Variants in PTPN6 observed in about 807,000 individuals in gnomAD.
The protein encoded by PTPN6 is tyrosine-protein phosphatase non-receptor type 6.
PTPN6 carries 18 observed loss-of-function variants against 81.5 expected under a neutral mutation model. That is an observed-to-expected ratio of 0.22 (90% CI 0.15 to 0.33). The LOEUF is 0.33. Ranked by LOEUF, PTPN6 falls within the 10% of genes least tolerant of loss-of-function variation. The pLI, the probability that PTPN6 is intolerant of heterozygous loss-of-function variation, is 1.00. For synonymous variants in PTPN6, 301 were observed against 310.9 expected (o/e 0.97, Z 0.33); for missense variants, 500 against 794.2 (o/e 0.63, Z 4.45).
intron 3 of PTPN6, among the ~76,000 whole-genome samples, chr12:6,953,916 G>T: frequency 6.6e-6 from 1 of 152,084 alleles, no homozygotes; most frequent in South Asian, 2.1e-4. Flanking sequence ...AAATTTGCCC[G>T]CCCTCCCCTC....
In PTPN6 at chr12:6,955,148, C is replaced by A. The variant is rs1232607181; in HGVS notation, c.517-3C>A. The A allele has an allele frequency of 2.5e-6, 4 of 1,614,152 alleles. No individual in the cohort carries two copies. The highest frequency in any genetic ancestry group is 2.2e-5 in the East Asian group (1 of 44,884). On this transcript the variant is annotated splice_polypyrimidine_tract_variant and splice_region_variant and intron_variant, in intron 4 of 15. Transcript: ENST00000318974. The surrounding 1 kb of genome is among the most constrained non-coding windows in gnomAD (Gnocchi z 7.2). ...GTGAATGGCCTAATTTGGCTCCCCC[C>A]AGGGTGGACGCTACACAGTGGGTGG...
chr12:6,958,244 C>T (rs1016798760), intron 11 of PTPN6, among the ~76,000 whole-genome samples, 171 bp downstream of exon 11: 3 of 152,204 alleles, frequency 2.0e-5, no homozygotes, highest in African/African-American at 7.2e-5. Flanking sequence ...TGGATCGTGG[C>T]TGGAACCAGC....
At position 6,954,700 on chromosome 12, in the gene PTPN6, G is replaced by A; in HGVS notation, c.327-105G>A. On this transcript the variant is annotated intron_variant, in intron 3 of 15. Transcript: ENST00000318974. The surrounding 1 kb of genome is among the most constrained non-coding windows in gnomAD (Gnocchi z 5.4). Reference sequence around the variant, plus strand: ...TTTGGAAGCATGTAGCGCAGTGCCTGGCACACAGTAGGTGCTTGATTTCCG... The same window carrying A: ...TTTGGAAGCATGTAGCGCAGTGCCTAGCACACAGTAGGTGCTTGATTTCCG... 8.5e-7 allele frequency: 1 copy of A among 1,171,342 alleles called. No homozygotes were observed. Among genetic ancestry groups the A allele is most frequent in the South Asian group, 1.3e-5 (1 of 76,522 alleles). 72.6% of individuals were successfully genotyped at this position (1,171,342 alleles called of 1,614,324 possible).
Position 6,960,703 on chromosome 12 carries a change from G to T in PTPN6, c.1674-103G>T. 6.4e-7 allele frequency: 1 copy of T among 1,551,564 alleles called. No homozygotes were observed. Among genetic ancestry groups the T allele is most frequent in the Non-Finnish European group, 8.7e-7 (1 of 1,146,972 alleles). On this transcript the variant is annotated intron_variant, in intron 14 of 15. Coordinates refer to ENST00000318974, the MANE Select transcript of PTPN6 (RefSeq NM_002831.6). The surrounding 1 kb of genome is among the most constrained non-coding windows in gnomAD (Gnocchi z 6.1). Reference sequence around the variant, plus strand: ...TGCAGGGACCGTGGCTGCGTCACCTGTGAGACGGGGTGGCCAGAGGGGACT... The same window carrying T: ...TGCAGGGACCGTGGCTGCGTCACCTTTGAGACGGGGTGGCCAGAGGGGACT...
At chr12:6,958,131 G>A (rs955352183) in intron 11 of PTPN6, 58 bp downstream of exon 11, 7 of 1,593,296 alleles carry the variant, frequency 4.4e-6, no homozygotes, top group Non-Finnish European at 6.0e-6. Flanking sequence ...ACTGCTAAGT[G>A]CCATGAGCTG....
In PTPN6 at chr12:6,951,546, C is replaced by T. The variant is rs1945924944; in HGVS notation, c.8+26C>T. The T allele has an allele frequency of 6.2e-7, 1 of 1,613,920 alleles. No individual in the cohort carries two copies. The highest frequency in any genetic ancestry group is 1.7e-5 in the Admixed American group (1 of 60,004). On this transcript the variant is annotated intron_variant, in intron 1 of 15. Coordinates refer to ENST00000318974, the MANE Select transcript of PTPN6 (RefSeq NM_002831.6). This position sits in a 1 kb window ranked among gnomAD's most constrained non-coding sequence, Gnocchi z 7.2. ...GTAAGGGCCTGCCACCCACGGTAGA[C>T]AGGAGGCAAGGGTGCCTGGTGCCCA...
At chr12:6,950,497 C>G (rs1055985513), upstream of PTPN6, among the ~76,000 whole-genome samples, 6 of 152,188 alleles carry the variant, frequency 3.9e-5, no homozygotes, top group African/African-American at 7.2e-5. Flanking sequence ...AGATAGGCCC[C>G]CTGGTGGGAG....
In PTPN6 at chr12:6,951,539, C is replaced by T. The variant is rs782087979; in HGVS notation, c.8+19C>T. The T allele has an allele frequency of 2.5e-5, 41 of 1,613,886 alleles. No homozygotes were observed. The highest frequency in any genetic ancestry group is 3.3e-4 in the Middle Eastern group (2 of 6,080). ...TGGTGAGGTAAGGGCCTGCCACCCA[C>T]GGTAGACAGGAGGCAAGGGTGCCTG... On this transcript the variant is annotated intron_variant, in intron 1 of 15. Coordinates refer to ENST00000318974, the MANE Select transcript of PTPN6 (RefSeq NM_002831.6). This position sits in a 1 kb window ranked among gnomAD's most constrained non-coding sequence, Gnocchi z 7.2.
upstream of PTPN6, among the ~76,000 whole-genome samples, chr12:6,950,490 T>C (rs1341159622): frequency 6.6e-6 from 1 of 152,008 alleles, no homozygotes; most frequent in Non-Finnish European, 1.5e-5. Flanking sequence ...CCCCAGGAGA[T>C]AGGCCCCCTG....
At position 6,957,387 on chromosome 12, in the gene PTPN6, G is replaced by A. The variant is rs1007247866; in HGVS notation, c.1075-267G>A. The stretch of plus-strand genomic sequence containing the variant: ...TTATTTGTGTCTGTGAAGCTGTGTG[G>A]TTTGCACAGCTTCGGGGACAATGCC... On this transcript the variant is annotated intron_variant, in intron 9 of 15. Coordinates refer to ENST00000318974, the MANE Select transcript of PTPN6 (RefSeq NM_002831.6). This position sits in a 1 kb window ranked among gnomAD's most constrained non-coding sequence, Gnocchi z 6.5. 2.0e-5 allele frequency among the ~76,000 whole-genome samples: 3 copies of A among 152,212 alleles called. No homozygotes were observed. Among genetic ancestry groups the A allele is most frequent in the African/African-American group, 7.2e-5 (3 of 41,450 alleles).
chr12:6,952,695 T>C lies in PTPN6; in HGVS notation c.326+518T>C. 1.0e-5 allele frequency: 2 copies of C among 198,054 alleles called. No individual in the cohort carries two copies. The highest frequency in any genetic ancestry group is 1.6e-4 in the South Asian group (2 of 12,446). The allele number at this position is 198,054 out of a possible 1,614,324, so 12.3% of individuals were successfully genotyped here. On this transcript the variant is annotated intron_variant, in intron 3 of 15. Transcript: ENST00000318974. The surrounding 1 kb of genome is among the most constrained non-coding windows in gnomAD (Gnocchi z 8.1). Reference sequence around the variant, plus strand: ...GGTCTGTCCTGTGGGGTCAAATAGGTCTCCGGCCCAAACAGAGATCATTGA... The same window carrying C: ...GGTCTGTCCTGTGGGGTCAAATAGGCCTCCGGCCCAAACAGAGATCATTGA...
In PTPN6 at chr12:6,960,458, G is replaced by A. The variant is rs781859729; in HGVS notation, c.1673+23G>A. ...CAAGTGAGTGGCCCTGACTGCCACT[G>A]CCCGGCATCCACCCCTTTGTCCTGC... is the stretch of plus-strand genomic sequence containing the variant. On this transcript the variant is annotated intron_variant, in intron 14 of 15. Coordinates refer to ENST00000318974, the MANE Select transcript of PTPN6 (RefSeq NM_002831.6). The surrounding 1 kb of genome is among the most constrained non-coding windows in gnomAD (Gnocchi z 6.1). The A allele has an allele frequency of 3.1e-6, 5 of 1,602,108 alleles. No homozygotes were observed. Among genetic ancestry groups the A allele is most frequent in the South Asian group, 2.2e-5 (2 of 90,678 alleles).
In PTPN6 at chr12:6,955,010, G is replaced by T. The variant is rs781901138; in HGVS notation, c.516+16G>T. ...CATGTGCGAGGTAAGGCAGCCAGGC[G>T]GCGGGGGAGCCTCTGCTGAGGCTCC... On this transcript the variant is annotated intron_variant, in intron 4 of 15. Coordinates refer to ENST00000318974, the MANE Select transcript of PTPN6 (RefSeq NM_002831.6). The surrounding 1 kb of genome is among the most constrained non-coding windows in gnomAD (Gnocchi z 7.2). 1 of 1,613,906 alleles carries T rather than the reference G, an allele frequency of 6.2e-7. No homozygotes were observed. Among genetic ancestry groups the T allele is most frequent in the Admixed American group, 1.7e-5 (1 of 60,026 alleles).
Position 6,959,584 on chromosome 12 carries a change from C to A in PTPN6, c.1362-343C>A. The A allele has an allele frequency of 2.0e-6, 1 of 496,748 alleles. No homozygotes were observed. Among genetic ancestry groups the A allele is most frequent in the South Asian group, 2.2e-5 (1 of 45,446 alleles). The allele number at this position is 496,748 out of a possible 1,614,324, so 30.8% of individuals were successfully genotyped here. A position where few individuals can be genotyped will look rare whatever the true frequency, so the allele number is the denominator to read the frequency against. ...GGAGAGGCGGGGAGGGCTCAGGGTA[C>A]CTGGGAGCCGGCAGGACAGTGGTGG... On this transcript the variant is annotated intron_variant, in intron 11 of 15. Coordinates refer to ENST00000318974, the MANE Select transcript of PTPN6 (RefSeq NM_002831.6). This position sits in a 1 kb window ranked among gnomAD's most constrained non-coding sequence, Gnocchi z 6.6.
At position 6,960,263 on chromosome 12, in the gene PTPN6, G is replaced by GC. The variant is rs782529967; in HGVS notation, c.1581+24_1581+25insC. The GC allele has an allele frequency of 6.4e-6, 8 of 1,251,626 alleles. No individual in the cohort carries two copies. In the African/African-American group the frequency reaches 1.0e-4, roughly 16 times the overall value. 77.5% of individuals were successfully genotyped at this position (1,251,626 alleles called of 1,614,324 possible). A position where few individuals can be genotyped will look rare whatever the true frequency, so the allele number is the denominator to read the frequency against. ...AGGTGCGTGCAGAGCAGGGCCTGGG[G>GC]GGGGGGGGGGCTGCAGTGCAGGATG... On this transcript the variant is annotated intron_variant, in intron 13 of 15. Coordinates refer to ENST00000318974, the MANE Select transcript of PTPN6 (RefSeq NM_002831.6). The surrounding 1 kb of genome is among the most constrained non-coding windows in gnomAD (Gnocchi z 6.1).
chr12:6,951,746 C>T lies in PTPN6; in HGVS notation c.131+15C>T, dbSNP rs188999815. 32 of 1,610,132 alleles carry T rather than the reference C, an allele frequency of 2.0e-5. No homozygotes were observed. The highest frequency in any genetic ancestry group is 1.3e-4 in the East Asian group (6 of 44,876). ...CTCTCCGTCAGGTAGGTGGGCCCCCCGCAACCCCGGGCATTTTGGCCACTC... is the reference window on the plus strand; with the variant it reads ...CTCTCCGTCAGGTAGGTGGGCCCCCTGCAACCCCGGGCATTTTGGCCACTC... On this transcript the variant is annotated intron_variant, in intron 2 of 15. Coordinates refer to ENST00000318974, the MANE Select transcript of PTPN6 (RefSeq NM_002831.6). The surrounding 1 kb of genome is among the most constrained non-coding windows in gnomAD (Gnocchi z 7.2).
rs782253557 is a variant in PTPN6, at chr12:6,960,416, G to A, written c.1654G>A (p.Ala552Thr). 1.3e-5 allele frequency: 21 copies of A among 1,613,720 alleles called. No homozygotes were observed. The highest frequency in any genetic ancestry group is 1.6e-4 in the Middle Eastern group (1 of 6,062). ...AGCCATGAAGAATGCCCATGCCAAG[G>A]CCTCCCGCACCTCGTCCAAGTGAGT... ...PPAMKNAHAKASRTSSKHKED... is the reference protein window; with the variant it reads ...PPAMKNAHAKTSRTSSKHKED... Residue 552 changes from alanine to threonine, a missense_variant, in exon 14 of 16, where the codon GCC becomes ACC. Ala to Thr is a moderately conservative substitution (Grantham distance 58). Transcript: ENST00000318974. The surrounding 1 kb of genome is among the most constrained non-coding windows in gnomAD (Gnocchi z 6.1).
upstream of PTPN6, among the ~76,000 whole-genome samples, chr12:6,948,265 C>T (rs781815422): frequency 7.2e-5 from 11 of 151,938 alleles, no homozygotes; most frequent in East Asian, 9.7e-4. Flanking sequence ...ACTACGACTA[C>T]GACTACTACT....
At chr12:6,948,309 A>C (rs181082792), upstream of PTPN6, among the ~76,000 whole-genome samples, 2 of 151,740 alleles carry the variant, frequency 1.3e-5, no homozygotes, top group Non-Finnish European at 1.5e-5. Flanking sequence ...AGTGGCATGC[A>C]CCTGTGGTCT....
Sources: gnomAD v4.1 joint callset for allele counts (sites outside exome capture counted in the v4.1 genomes callset) on GRCh38, gnomAD v4.1.1 for gene constraint, Gnocchi (gnomAD v3.1) non-coding constraint, MANE v1.5 for transcripts, NCBI Gene and HGNC (gene_info 2026-07-23, HGNC 2026-07-21) for gene names.